The following PPM1H variants were observed in gnomAD, a reference collection of about 807,000 sequenced individuals.
PPM1H encodes the protein protein phosphatase 1H.
PPM1H carries 27 observed loss-of-function variants against 54.9 expected under a neutral mutation model. That is an observed-to-expected ratio of 0.49 (90% CI 0.36 to 0.68). PPM1H has a LOEUF of 0.68. Ranked by LOEUF, PPM1H falls within the 30% of genes least tolerant of loss-of-function variation. The pLI, the probability that PPM1H is intolerant of heterozygous loss-of-function variation, is 0.00. For synonymous variants in PPM1H, 305 were observed against 270.8 expected (o/e 1.13, Z -1.24); for missense variants, 596 against 667.8 (o/e 0.89, Z 1.19).
intron 1 of PPM1H, among the ~76,000 whole-genome samples, chr12:62,883,833 G>A (rs1870482277): frequency 6.6e-6 from 1 of 152,060 alleles, no homozygotes; most frequent in African/African-American, 2.4e-5. Flanking sequence ...CCAGCAGGAG[G>A]CATTTCCTCA....
At chr12:62,659,328 A>C in intron 9 of PPM1H, 1 of 463,806 alleles carries the variant, frequency 2.2e-6, no homozygotes, top group Non-Finnish European at 3.9e-6. Flanking sequence ...TGGCTCATCC[A>C]TAAAGCCGCC....
chr12:62,925,439 G>A lies in PPM1H; in HGVS notation c.245+9053C>T, dbSNP rs146380236. ...CTAAAAATACAAAAATTAGCCAGGC[G>A]TGGTGGCATGTGCCTGTAGTCATAG... is the stretch of plus-strand genomic sequence containing the variant. On this transcript the variant is annotated intron_variant, in intron 1 of 9. Coordinates refer to ENST00000228705, the MANE Select transcript of PPM1H (RefSeq NM_020700.2). Among the ~76,000 whole-genome samples, 659 of 152,286 alleles carry A rather than the reference G, an allele frequency of 4.3e-3. 1 individual carries two copies. The highest frequency in any genetic ancestry group is 5.6e-3 in the Non-Finnish European group (379 of 68,024).
At chr12:62,912,696 G>C (rs751674231) in intron 1 of PPM1H, among the ~76,000 whole-genome samples, 2 of 152,158 alleles carry the variant, frequency 1.3e-5, no homozygotes, top group Non-Finnish European at 2.9e-5. Flanking sequence ...ACTCACTACA[G>C]GGCAATTAAC....
At chr12:62,662,862 C>T (rs560406473) in intron 9 of PPM1H, among the ~76,000 whole-genome samples, 2 of 152,272 alleles carry the variant, frequency 1.3e-5, no homozygotes, top group East Asian at 3.9e-4. Context: ...CTCTTCTCCT[C>T]TCAAAGTAAC....
intron 8 of PPM1H, among the ~76,000 whole-genome samples, chr12:62,688,680 G>A (rs146809154): frequency 7.2e-4 from 109 of 152,188 alleles, no homozygotes; most frequent in African/African-American, 2.5e-3. Context: ...TTAGTCTAAC[G>A]AGGGGATAAG....
rs139339623 is a variant in PPM1H, at chr12:62,919,548, C to T, written c.245+14944G>A. 2.3e-4 allele frequency among the ~76,000 whole-genome samples: 35 copies of T among 152,230 alleles called. 1 individual carries two copies. In the East Asian group the frequency reaches 5.0e-3, roughly 22 times the overall value. On this transcript the variant is annotated intron_variant, in intron 1 of 9. Transcript: ENST00000228705. Reference sequence around the variant, plus strand: ...TATCAGTTCAATATGATTTTCACTACACCTTCATGATTAGGAGATATGATG... The same window carrying T: ...TATCAGTTCAATATGATTTTCACTATACCTTCATGATTAGGAGATATGATG...
intron 8 of PPM1H, among the ~76,000 whole-genome samples, chr12:62,672,201 C>T (rs897078261): frequency 1.3e-5 from 2 of 152,202 alleles, no homozygotes; most frequent in African/African-American, 4.8e-5. Context: ...AAGGCTGATC[C>T]TGTCTCAGCA....
chr12:62,807,049 G>A (rs1237966068), intron 2 of PPM1H, among the ~76,000 whole-genome samples: 1 of 152,156 alleles, frequency 6.6e-6, no homozygotes, highest in Non-Finnish European at 1.5e-5. Context: ...CCAAGCAGTA[G>A]CAACAGCAGG....
intron 8 of PPM1H, among the ~76,000 whole-genome samples, chr12:62,683,030 TTATTTA>T (rs1410157731): frequency 1.1e-4 from 14 of 126,638 alleles, no homozygotes; most frequent in Admixed American, 7.1e-4. Context: ...GGAGAGTTTA[TTATTTA>T]TTATTATTAT....
chr12:62,699,205 TA>T (rs1323560227), intron 6 of PPM1H, among the ~76,000 whole-genome samples: 1 of 152,230 alleles, frequency 6.6e-6, no homozygotes, highest in African/African-American at 2.4e-5. Flanking sequence ...TTTATTTATT[TA>T]TTTTTTTGAG....
chr12:62,700,522 C>G (rs2076138435), intron 6 of PPM1H, among the ~76,000 whole-genome samples: 1 of 152,168 alleles, frequency 6.6e-6, no homozygotes, highest in East Asian at 1.9e-4. Context: ...TGTCTATTAA[C>G]ATTATGTCAA....
chr12:62,827,052 T>A (rs1868299030), intron 2 of PPM1H, among the ~76,000 whole-genome samples: 1 of 152,240 alleles, frequency 6.6e-6, no homozygotes, highest in Non-Finnish European at 1.5e-5. Context: ...AAGCCACTTC[T>A]ATGGCTGCAA....
chr12:62,737,743 C>T (rs1009705717), intron 4 of PPM1H, among the ~76,000 whole-genome samples, 157 bp from the exon 5 acceptor site: 1 of 152,178 alleles, frequency 6.6e-6, no homozygotes, highest in Non-Finnish European at 1.5e-5. Context: ...CTGAATCCCT[C>T]ACCACATGAG....
chr12:62,713,800 C>T (rs2076220965), intron 6 of PPM1H, among the ~76,000 whole-genome samples: 1 of 152,032 alleles, frequency 6.6e-6, no homozygotes, highest in Non-Finnish European at 1.5e-5. Context: ...AAAACCCTGT[C>T]TCTACAAAAT....
At chr12:62,738,423 T>C (rs1410893929) in intron 4 of PPM1H, among the ~76,000 whole-genome samples, 2 of 151,236 alleles carry the variant, frequency 1.3e-5, no homozygotes, top group Non-Finnish European at 2.9e-5. Context: ...CTCCAAAAAG[T>C]GTATCTAAGA....
intron 9 of PPM1H, among the ~76,000 whole-genome samples, chr12:62,653,936 G>A (rs1330498106): frequency 6.6e-6 from 1 of 152,006 alleles, no homozygotes; most frequent in Admixed American, 6.6e-5. Context: ...CCAGGGAAAT[G>A]CAGTCTCCCA....
intron 8 of PPM1H, among the ~76,000 whole-genome samples, chr12:62,668,750 T>C (rs1187795228): frequency 1.3e-5 from 2 of 152,236 alleles, no homozygotes; most frequent in Non-Finnish European, 2.9e-5. Context: ...GGCACAGCCA[T>C]TGTTATGTCA....
intron 7 of PPM1H, 39 bp from the exon 8 acceptor site, chr12:62,689,845 C>T: frequency 7.1e-7 from 1 of 1,411,178 alleles, no homozygotes; most frequent in Non-Finnish European, 9.9e-7. Context: ...AACACGCACA[C>T]AGTGAAAGCA....
chr12:62,737,666 C>G, intron 4 of PPM1H, 80 bp from the exon 5 acceptor site: 3 of 1,005,390 alleles, frequency 3.0e-6, no homozygotes, highest in Non-Finnish European at 4.3e-6. Context: ...TGGTTCAGGT[C>G]ACACATGAAA....
Sources: gnomAD v4.1 joint callset for allele counts (sites outside exome capture counted in the v4.1 genomes callset) on GRCh38, gnomAD v4.1.1 for gene constraint, MANE v1.5 for transcripts, NCBI Gene and HGNC (gene_info 2026-07-23, HGNC 2026-07-21) for gene names.